SMC5: variants seen among roughly 807,000 people sequenced by gnomAD.
The protein encoded by SMC5 is structural maintenance of chromosomes protein 5.
Under a neutral mutation model 148.3 loss-of-function variants are expected in SMC5, and 88 were observed. The observed-to-expected ratio is 0.59, with a 90% CI of 0.50 to 0.71. The LOEUF (loss-of-function observed/expected upper bound fraction) is 0.71, where lower values mean the gene tolerates loss of function less well. Ranked by LOEUF, SMC5 falls within the 30% of genes least tolerant of loss-of-function variation. The probability of loss-of-function intolerance (pLI) is 0.00; values close to 1 mark genes in which losing one functional copy is unlikely to be tolerated. For missense variants in SMC5, 1,142 were observed against 1,298.9 expected, an observed-to-expected ratio of 0.88 and a Z score of 1.86; for synonymous variants, 421 against 432.8, an observed-to-expected ratio of 0.97 and a Z score of 0.34.
intron 10 of SMC5, 116 bp downstream of exon 10, chr9:70,300,316 A>G: frequency 1.1e-6 from 1 of 888,444 alleles, no homozygotes; most frequent in Non-Finnish European, 1.6e-6. Context: ...GACTTGTGGC[A>G]TCTGGCATAC....
At chr9:70,341,051 A>G (rs555172150) in intron 17 of SMC5, among the ~76,000 whole-genome samples, 1 of 152,186 alleles carries the variant, frequency 6.6e-6, no homozygotes, top group Non-Finnish European at 1.5e-5. Flanking sequence ...AGAAATGTAG[A>G]TAAAGCCTTT....
chr9:70,336,438 C>G (rs911837063), intron 17 of SMC5, among the ~76,000 whole-genome samples: 3 of 152,098 alleles, frequency 2.0e-5, no homozygotes, highest in South Asian at 2.1e-4. Flanking sequence ...CAAGAAAGTC[C>G]TCTCCCCCAC....
At chr9:70,345,035 G>A (rs1183945165) in intron 18 of SMC5, among the ~76,000 whole-genome samples, 1 of 152,040 alleles carries the variant, frequency 6.6e-6, no homozygotes. Context: ...AGAAATCACA[G>A]AGAATGGATT....
intron 17 of SMC5, among the ~76,000 whole-genome samples, chr9:70,331,547 A>G (rs1346287387): frequency 6.6e-6 from 1 of 152,048 alleles, no homozygotes; most frequent in African/African-American, 2.4e-5. Context: ...ACATTGCCAC[A>G]ATATTTATGA....
chr9:70,269,930 A>G (rs1177638080), intron 3 of SMC5, among the ~76,000 whole-genome samples: 1 of 152,264 alleles, frequency 6.6e-6, no homozygotes, highest in African/African-American at 2.4e-5. Flanking sequence ...TTTAAGAGAT[A>G]GGAAAAACCA....
intron 17 of SMC5, among the ~76,000 whole-genome samples, chr9:70,338,056 C>A (rs965490932): frequency 3.3e-5 from 5 of 151,980 alleles, no homozygotes; most frequent in African/African-American, 9.7e-5. Flanking sequence ...ACTCTCTCAC[C>A]CAGGCTGAAG....
Position 70,353,463 on chromosome 9 carries a change from T to C in SMC5, c.*1132T>C, listed in dbSNP as rs1037852519. On this transcript the variant is annotated 3_prime_UTR_variant, in exon 25 of 25. Transcript: ENST00000361138. ...ATCTTCTTTTAAAAAATAAATCTTA[T>C]AGGAAAATAGACAGTCCAAAGTCAT... 2.6e-5 allele frequency: 4 copies of C among 152,180 alleles called. No individual in the cohort carries two copies. Among genetic ancestry groups the C allele is most frequent in the Admixed American group, 2.0e-4 (3 of 15,274 alleles). The allele number at this position is 152,180 out of a possible 1,614,324, so 9.4% of individuals were successfully genotyped here.
chr9:70,285,528 C>T lies in SMC5; in HGVS notation c.982-672C>T, dbSNP rs530787387. 5.3e-5 allele frequency among the ~76,000 whole-genome samples: 8 copies of T among 152,304 alleles called. No individual in the cohort carries two copies. The East Asian group carries it at 5.8e-4, about 11-fold the overall frequency. On this transcript the variant is annotated intron_variant, in intron 7 of 24. Coordinates refer to ENST00000361138, the MANE Select transcript of SMC5 (RefSeq NM_015110.4). The stretch of plus-strand genomic sequence containing the variant: ...ATCAGCCACATTGTTTGTACAAACA[C>T]GCACAGTGAGCCACTCTTATCAGTT...
intron 1 of SMC5, among the ~76,000 whole-genome samples, chr9:70,260,191 G>A (rs1478051702): frequency 6.6e-6 from 1 of 151,992 alleles, no homozygotes; most frequent in Non-Finnish European, 1.5e-5. Flanking sequence ...TGCAACCTCC[G>A]CCTCCCAGTT....
chr9:70,293,039 A>G (rs1480940605), intron 8 of SMC5, among the ~76,000 whole-genome samples: 2 of 152,074 alleles, frequency 1.3e-5, no homozygotes, highest in Admixed American at 6.5e-5. Flanking sequence ...TTCCTCTTCT[A>G]CTTTCTGAAA....
intron 10 of SMC5, among the ~76,000 whole-genome samples, chr9:70,304,548 A>G (rs1035921440): frequency 6.6e-6 from 1 of 152,124 alleles, no homozygotes; most frequent in African/African-American, 2.4e-5. Flanking sequence ...TTAGCTGGGC[A>G]TGGTGACAGA....
At chr9:70,297,567 A>G (rs898535795) in intron 8 of SMC5, among the ~76,000 whole-genome samples, 2 of 152,144 alleles carry the variant, frequency 1.3e-5, no homozygotes, top group Non-Finnish European at 2.9e-5. Context: ...GTGACTTGTA[A>G]TCTTTATTAT....
At chr9:70,299,529 C>G (rs1169329012) in intron 9 of SMC5, among the ~76,000 whole-genome samples, 1 of 151,914 alleles carries the variant, frequency 6.6e-6, no homozygotes, top group Admixed American at 6.6e-5. Context: ...TTCCTGAATT[C>G]CATGTCTCAT....
intron 11 of SMC5, among the ~76,000 whole-genome samples, chr9:70,314,005 G>C (rs749116299): frequency 2.6e-5 from 4 of 152,110 alleles, no homozygotes; most frequent in African/African-American, 4.8e-5. Context: ...CCTTCCACTT[G>C]TTGCTTTCCT....
chr9:70,352,391 C>A lies in SMC5; in HGVS notation c.*60C>A. 6.8e-7 allele frequency: 1 copy of A among 1,470,910 alleles called. No homozygotes were observed. The highest frequency in any genetic ancestry group is 2.3e-5 in the East Asian group (1 of 43,664). The allele number at this position is 1,470,910 out of a possible 1,614,324, so 91.1% of individuals were successfully genotyped here. On this transcript the variant is annotated 3_prime_UTR_variant, in exon 25 of 25. Transcript: ENST00000361138. ...TGTTAAATTCTGTTTATAAGTATGG[C>A]TCAACTGAATAAAAGGAGATTCACT...
chr9:70,343,241 A>AG (rs2036571565), intron 17 of SMC5, among the ~76,000 whole-genome samples: 1 of 152,054 alleles, frequency 6.6e-6, no homozygotes. Context: ...CACCTAGCCA[A>AG]GGGCCCAGCA....
intron 3 of SMC5, among the ~76,000 whole-genome samples, chr9:70,276,444 A>T (rs1021628922): frequency 6.6e-6 from 1 of 152,188 alleles, no homozygotes; most frequent in Admixed American, 6.5e-5. Flanking sequence ...TTAATATTTT[A>T]TTATTTTTAG....
chr9:70,321,489 C>T (rs2035945784), intron 15 of SMC5, among the ~76,000 whole-genome samples: 1 of 149,982 alleles, frequency 6.7e-6, no homozygotes, highest in Admixed American at 6.7e-5. Context: ...AACTCTTGGG[C>T]TCAAGCAATC....
intron 18 of SMC5, among the ~76,000 whole-genome samples, chr9:70,346,211 CAGTA>C (rs2118829004): frequency 6.6e-6 from 1 of 152,156 alleles, no homozygotes; most frequent in South Asian, 2.1e-4. Flanking sequence ...GCTTACATCT[CAGTA>C]AGTCAGAGAT....
Sources: gnomAD v4.1 joint callset for allele counts (sites outside exome capture counted in the v4.1 genomes callset) on GRCh38, gnomAD v4.1.1 for gene constraint, MANE v1.5 for transcripts, NCBI Gene and HGNC (gene_info 2026-07-23, HGNC 2026-07-21) for gene names.